The following DIP2C variants were observed in gnomAD, a reference collection of about 807,000 sequenced individuals.
The protein encoded by DIP2C is DIP2 acetate--CoA ligase C (putative).
A neutral mutation model predicts 192.4 loss-of-function variants in DIP2C; 33 were observed. The observed-to-expected ratio is 0.17, with a 90% confidence interval of 0.13 to 0.23. The LOEUF is 0.23. DIP2C is among the 10% of genes least tolerant of loss of function. The probability of loss-of-function intolerance (pLI) is 1.00; values close to 1 mark genes in which losing one functional copy is unlikely to be tolerated. For missense variants in DIP2C, 1,537 were observed against 2,110.1 expected, an observed-to-expected ratio of 0.73 and a Z score of 5.32; for synonymous variants, 979 against 864.1, an observed-to-expected ratio of 1.13 and a Z score of -2.33.
intron 3 of DIP2C, among the ~76,000 whole-genome samples, chr10:461,012 T>C (rs955168884): frequency 2.6e-5 from 4 of 152,136 alleles, no homozygotes; most frequent in Admixed American, 1.3e-4. Context: ...AGAGATTCTG[T>C]CACCACCAGG....
intron 1 of DIP2C, among the ~76,000 whole-genome samples, chr10:598,115 C>T (rs1198994325): frequency 1.3e-5 from 2 of 152,226 alleles, no homozygotes; most frequent in Non-Finnish European, 2.9e-5. Flanking sequence ...TGATGGATCA[C>T]GGCCTCCCAC....
chr10:414,117 CG>C lies in DIP2C; in HGVS notation c.860-8del. 1 of 1,609,008 alleles carries C rather than the reference CG, an allele frequency of 6.2e-7. No individual in the cohort carries two copies. The highest frequency in any genetic ancestry group is 8.5e-7 in the Non-Finnish European group (1 of 1,176,226). ...TTCGGATCCGGTTGTTGAACTAAAT[CG>C]TTTGAATACAAGAGGTTACAAGAGA... is the stretch of plus-strand genomic sequence containing the variant. On this transcript the variant is annotated splice_region_variant and splice_polypyrimidine_tract_variant and intron_variant, in intron 7 of 36. Transcript: ENST00000280886.
intron 4 of DIP2C, among the ~76,000 whole-genome samples, chr10:428,484 G>A (rs1203083237): frequency 1.3e-5 from 2 of 152,130 alleles, no homozygotes; most frequent in East Asian, 1.9e-4. Flanking sequence ...ATGGTCTTCT[G>A]GTCTCCATTG....
chr10:391,231 C>T (rs1396250588), intron 10 of DIP2C, among the ~76,000 whole-genome samples: 1 of 152,188 alleles, frequency 6.6e-6, no homozygotes, highest in Non-Finnish European at 1.5e-5. Flanking sequence ...AGAGAATAGA[C>T]AGGGCCTGAA....
chr10:277,498 G>A lies in DIP2C; in HGVS notation c.4498C>T (p.Pro1500Ser). 2 of 1,614,126 alleles carry A rather than the reference G, an allele frequency of 1.2e-6. No individual in the cohort carries two copies. The highest frequency in any genetic ancestry group is 2.2e-5 in the East Asian group (1 of 44,872). Residue 1500 changes from proline to serine, a missense_variant, in exon 37 of 37, where the codon CCC becomes TCC. Physicochemically the swap from Pro to Ser is moderately conservative, Grantham distance 74. This residue lies in a region of DIP2C where 341 missense variants were observed against 551.7 expected (regional missense o/e 0.62). Transcript: ENST00000280886. ...TCCAGGACCACGTTGGTCACCAAGG[G>A]AACCAGGTCCAAGGCTTCTTGTTCC... is the stretch of plus-strand genomic sequence containing the variant. Reference protein sequence around the residue: ...GSEQEALDLVPLVTNVVLEEH... With the variant: ...GSEQEALDLVSLVTNVVLEEH...
At position 651,565 on chromosome 10, in the gene DIP2C, T is replaced by A; in HGVS notation, c.85+37929A>T. The stretch of plus-strand genomic sequence containing the variant: ...TTGTTTCAGTGCCTTTCCAGTTAAA[T>A]GTTGTTAAGCAGTATTTCCCCCAAA... On this transcript the variant is annotated intron_variant, in intron 1 of 36. Coordinates refer to ENST00000280886, the MANE Select transcript of DIP2C (RefSeq NM_014974.3). The surrounding 1 kb of genome is among the most constrained non-coding windows in gnomAD (Gnocchi z 4.1). The A allele has an allele frequency of 2.4e-6, 1 of 415,298 alleles. No individual in the cohort carries two copies. The highest frequency in any genetic ancestry group is 4.6e-6 in the Non-Finnish European group (1 of 219,336). 25.7% of individuals were successfully genotyped at this position (415,298 alleles called of 1,614,324 possible).
chr10:386,954 C>T (rs79739427), intron 14 of DIP2C, among the ~76,000 whole-genome samples: 3 of 152,136 alleles, frequency 2.0e-5, no homozygotes, highest in African/African-American at 4.8e-5. Context: ...AAGCCCGGCA[C>T]GTCATCCAGG....
chr10:439,638 A>G (rs550589012), intron 4 of DIP2C, among the ~76,000 whole-genome samples: 1 of 152,244 alleles, frequency 6.6e-6, no homozygotes, highest in Admixed American at 6.5e-5. Flanking sequence ...CAAACAAAAA[A>G]CAACAAAAAC....
intron 3 of DIP2C, among the ~76,000 whole-genome samples, chr10:470,874 A>G (rs1017544306): frequency 5.3e-5 from 8 of 152,018 alleles, no homozygotes; most frequent in African/African-American, 1.9e-4. Context: ...CTCTGTGAGA[A>G]CTGAAGCCAT....
chr10:457,225 A>C (rs2133362231), intron 3 of DIP2C, among the ~76,000 whole-genome samples: 1 of 152,046 alleles, frequency 6.6e-6, no homozygotes, highest in East Asian at 1.9e-4. Context: ...CTCCTATTTT[A>C]TTTTATTCTT....
chr10:332,647 G>A (rs1180313526), intron 29 of DIP2C, among the ~76,000 whole-genome samples: 1 of 152,204 alleles, frequency 6.6e-6, no homozygotes, highest in Non-Finnish European at 1.5e-5. Context: ...AACCTGAGCT[G>A]TTCTTCAGAT....
intron 14 of DIP2C, 21 bp from the exon 15 acceptor site, chr10:384,660 C>T (rs548777687): frequency 2.7e-5 from 43 of 1,612,706 alleles, no homozygotes; most frequent in Middle Eastern, 1.7e-4. Flanking sequence ...CAAAGGAACA[C>T]GCAGGGTGAG....
rs1039903801 is a variant in DIP2C, at chr10:561,693, A to G, written c.86-75163T>C. On this transcript the variant is annotated intron_variant, in intron 1 of 36. Coordinates refer to ENST00000280886, the MANE Select transcript of DIP2C (RefSeq NM_014974.3). Reference sequence around the variant, plus strand: ...ACCTCCCCAGGAAGGAAACCTCTTCAATCCAGCAACACAACTCCTGGTCCC... The same window carrying G: ...ACCTCCCCAGGAAGGAAACCTCTTCGATCCAGCAACACAACTCCTGGTCCC... Among the ~76,000 whole-genome samples, 7 of 152,294 alleles carry G rather than the reference A, an allele frequency of 4.6e-5. No homozygotes were observed. The East Asian group carries it at 9.7e-4, about 21-fold the overall frequency.
chr10:569,124 G>T (rs1440703726), intron 1 of DIP2C, among the ~76,000 whole-genome samples: 1 of 152,150 alleles, frequency 6.6e-6, no homozygotes, highest in Non-Finnish European at 1.5e-5. Flanking sequence ...CTTGGCCAGG[G>T]AACCAGAAGT....
At chr10:355,359 T>G (rs1044364651) in intron 24 of DIP2C, among the ~76,000 whole-genome samples, 2 of 152,222 alleles carry the variant, frequency 1.3e-5, no homozygotes, top group Non-Finnish European at 2.9e-5. Context: ...GAGAATGGTC[T>G]GATAACTGAA....
At chr10:660,924 C>T (rs1856717866) in intron 1 of DIP2C, among the ~76,000 whole-genome samples, 1 of 152,200 alleles carries the variant, frequency 6.6e-6, no homozygotes, top group Admixed American at 6.5e-5. Flanking sequence ...AAATACAGAG[C>T]TCCAAATGCC....
intron 19 of DIP2C, among the ~76,000 whole-genome samples, chr10:365,340 C>A (rs1960060094): frequency 6.6e-6 from 1 of 152,214 alleles, no homozygotes; most frequent in African/African-American, 2.4e-5. Flanking sequence ...TGAGATCAGC[C>A]TGGACAACAG....
At chr10:647,755 T>C (rs1250654836) in intron 1 of DIP2C, among the ~76,000 whole-genome samples, 4 of 147,540 alleles carry the variant, frequency 2.7e-5, no homozygotes, top group Admixed American at 1.4e-4. Flanking sequence ...CACGTCCACA[T>C]TGGATGGTGG....
At chr10:594,250 T>C (rs926960089) in intron 1 of DIP2C, among the ~76,000 whole-genome samples, 2 of 152,196 alleles carry the variant, frequency 1.3e-5, no homozygotes, top group Admixed American at 6.5e-5. Context: ...CTTTCCTATC[T>C]GCACAGCTTC....
Sources: allele counts gnomAD v4.1 joint callset (sites outside exome capture counted in the v4.1 genomes callset), GRCh38; gene constraint gnomAD v4.1.1; regional missense constraint gnomAD v4.1.1; non-coding constraint Gnocchi (gnomAD v3.1); transcripts MANE v1.5; gene names NCBI Gene and HGNC (gene_info 2026-07-23, HGNC 2026-07-21).